The following MTHFD1L variants were observed in gnomAD, a reference collection of about 807,000 sequenced individuals.
The protein encoded by MTHFD1L is methylenetetrahydrofolate dehydrogenase (NADP+ dependent) 1 like.
In MTHFD1L, 81 loss-of-function variants were observed where a neutral mutation model predicts 119.5. The ratio of observed to expected loss-of-function variants is 0.68; its 90% confidence interval spans 0.57 to 0.82. The LOEUF (loss-of-function observed/expected upper bound fraction) is 0.82, where lower values mean the gene tolerates loss of function less well. Ranked by LOEUF, MTHFD1L falls within the 40% of genes least tolerant of loss-of-function variation. The pLI, the probability that MTHFD1L is intolerant of heterozygous loss-of-function variation, is 0.00. For missense variants in MTHFD1L, 1,125 were observed against 1,253.4 expected (o/e 0.90, Z 1.55); for synonymous variants, 430 against 475.2 (o/e 0.90, Z 1.24).
intron 8 of MTHFD1L, chr6:150,912,815 TCCCAGGATATTA>T (rs1787150855): frequency 2.7e-6 from 1 of 369,490 alleles, no homozygotes; most frequent in Non-Finnish European, 5.6e-6. Context: ...TGGACTGTGA[TCCCAGGATATTA>T]CCCAGGCCCA....
At chr6:151,094,828 G>A (rs1794759425) in intron 27 of MTHFD1L, among the ~76,000 whole-genome samples, 2 of 152,026 alleles carry the variant, frequency 1.3e-5, no homozygotes, top group African/African-American at 2.4e-5. Flanking sequence ...ACAGGCGGGA[G>A]CCACCACGCC....
intron 8 of MTHFD1L, among the ~76,000 whole-genome samples, chr6:150,908,363 C>T (rs1363459716): frequency 6.6e-6 from 1 of 151,760 alleles, no homozygotes; most frequent in Non-Finnish European, 1.5e-5. Context: ...TGGCTCACGC[C>T]TGTAATCCTA....
intron 18 of MTHFD1L, among the ~76,000 whole-genome samples, chr6:150,960,805 G>A (rs1676007272): frequency 1.3e-5 from 2 of 152,194 alleles, no homozygotes; most frequent in South Asian, 4.1e-4. Flanking sequence ...ACAGAAGGAA[G>A]TGGCTCTGCT....
At chr6:150,879,600 T>C (rs986887765) in intron 4 of MTHFD1L, among the ~76,000 whole-genome samples, 4 of 151,284 alleles carry the variant, frequency 2.6e-5, no homozygotes, top group Non-Finnish European at 4.4e-5. Context: ...AATTTGCTTT[T>C]CTTTAGGTTG....
At chr6:150,925,370 C>T (rs1562390606) in intron 10 of MTHFD1L, among the ~76,000 whole-genome samples, 1 of 152,082 alleles carries the variant, frequency 6.6e-6, no homozygotes, top group Non-Finnish European at 1.5e-5. Context: ...AGCACATGAG[C>T]CCCAGAGGAA....
intron 27 of MTHFD1L, among the ~76,000 whole-genome samples, chr6:151,096,743 G>A (rs970551001): frequency 2.0e-5 from 3 of 152,196 alleles, no homozygotes; most frequent in East Asian, 1.9e-4. Flanking sequence ...TGTTGAAGGC[G>A]CGTTCCACTC....
At chr6:151,083,167 G>A (rs11155773) in intron 26 of MTHFD1L, among the ~76,000 whole-genome samples, 38,300 of 152,030 alleles carry the variant, frequency 0.25, 4,922 homozygotes, top group South Asian at 0.32. Flanking sequence ...AATCTCCATC[G>A]TTCTCCAAAT....
intron 20 of MTHFD1L, among the ~76,000 whole-genome samples, chr6:150,992,482 T>C (rs148042271): frequency 6.6e-6 from 1 of 152,378 alleles, no homozygotes; most frequent in African/African-American, 2.4e-5. Context: ...TGAACTCAGC[T>C]ATGCTGCTTT....
chr6:150,903,970 C>T (rs1030914427), intron 7 of MTHFD1L, among the ~76,000 whole-genome samples: 3 of 152,174 alleles, frequency 2.0e-5, no homozygotes, highest in Admixed American at 6.5e-5. Context: ...ACATTTTTAT[C>T]GTGCTCCTCC....
intron 8 of MTHFD1L, among the ~76,000 whole-genome samples, chr6:150,905,970 C>G (rs1422258999): frequency 1.3e-5 from 2 of 152,218 alleles, no homozygotes; most frequent in Non-Finnish European, 1.5e-5. Flanking sequence ...TCTGCTCCCA[C>G]AGTGAAGTGC....
intron 26 of MTHFD1L, among the ~76,000 whole-genome samples, chr6:151,038,160 C>T (rs573129248): frequency 2.0e-5 from 3 of 152,184 alleles, no homozygotes; most frequent in African/African-American, 4.8e-5. Flanking sequence ...AGGTGTGAGA[C>T]GCATGGGTTT....
chr6:150,937,345 C>T (rs1051529598), intron 12 of MTHFD1L, among the ~76,000 whole-genome samples: 2 of 152,184 alleles, frequency 1.3e-5, no homozygotes, highest in Non-Finnish European at 2.9e-5. Flanking sequence ...GTGGGGCCCG[C>T]AGAGCTCTCT....
chr6:150,994,456 G>A (rs1166757964), intron 20 of MTHFD1L, among the ~76,000 whole-genome samples: 1 of 151,552 alleles, frequency 6.6e-6, no homozygotes, highest in African/African-American at 2.4e-5. Flanking sequence ...TCAGCGTGAC[G>A]ACAGTTCAAG....
intron 4 of MTHFD1L, among the ~76,000 whole-genome samples, chr6:150,879,501 C>T (rs1210214302): frequency 6.6e-6 from 1 of 151,754 alleles, no homozygotes; most frequent in African/African-American, 2.4e-5. Context: ...GTTGACCAGG[C>T]TGGTCTTGAA....
At chr6:150,959,276 A>G (rs994001708) in intron 17 of MTHFD1L, 4 of 874,928 alleles carry the variant, frequency 4.6e-6, no homozygotes, top group Non-Finnish European at 5.5e-6. Context: ...AAAATGTCTC[A>G]TAAGGTGATC....
intron 26 of MTHFD1L, among the ~76,000 whole-genome samples, chr6:151,061,897 C>T (rs973113339): frequency 3.3e-5 from 5 of 152,210 alleles, no homozygotes; most frequent in Non-Finnish European, 7.3e-5. Flanking sequence ...TCATACCAGA[C>T]TGCCTCACAA....
intron 1 of MTHFD1L, among the ~76,000 whole-genome samples, chr6:150,875,511 T>G (rs936068765): frequency 1.3e-5 from 2 of 152,122 alleles, no homozygotes; most frequent in African/African-American, 4.8e-5. Flanking sequence ...TAGGAGGCTT[T>G]GATAGTGTTA....
At chr6:150,867,051 T>C (rs1174712622) in intron 1 of MTHFD1L, among the ~76,000 whole-genome samples, 1 of 152,178 alleles carries the variant, frequency 6.6e-6, no homozygotes, top group Non-Finnish European at 1.5e-5. Context: ...CTTGCCTTTC[T>C]CTCTGCCTTT....
intron 26 of MTHFD1L, among the ~76,000 whole-genome samples, chr6:151,087,068 G>A (rs543753735): frequency 2.0e-5 from 3 of 152,144 alleles, no homozygotes; most frequent in Admixed American, 6.5e-5. Flanking sequence ...GGCCACCGTG[G>A]TGAAACCTTG....
Sources: gnomAD v4.1 joint callset for allele counts (sites outside exome capture counted in the v4.1 genomes callset) on GRCh38, gnomAD v4.1.1 for gene constraint, MANE v1.5 for transcripts, NCBI Gene and HGNC (gene_info 2026-07-23, HGNC 2026-07-21) for gene names.